Variants in BCAS3 observed in about 807,000 individuals in gnomAD.
BCAS3 encodes the protein BCAS4/BCAS3 fusion.
BCAS3 carries 53 observed loss-of-function variants against 116.1 expected under a neutral mutation model. That is an observed-to-expected ratio of 0.46 (90% CI 0.37 to 0.57). The LOEUF is 0.57. Ranked by LOEUF, BCAS3 falls within the 20% of genes least tolerant of loss-of-function variation. The pLI is 0.00. For missense variants in BCAS3, 917 were observed against 1,165.4 expected, an observed-to-expected ratio of 0.79 and a Z score of 3.10; for synonymous variants, 391 against 408.2, an observed-to-expected ratio of 0.96 and a Z score of 0.51.
At chr17:61,154,199 A>AGG (rs945715459) in intron 22 of BCAS3, among the ~76,000 whole-genome samples, 2 of 152,110 alleles carry the variant, frequency 1.3e-5, no homozygotes, top group African/African-American at 4.8e-5. Flanking sequence ...GAAGGAAGGA[A>AGG]GGGAGGGAAG....
At position 61,140,172 on chromosome 17, in the gene BCAS3, G is replaced by A. The variant is rs1425361324; in HGVS notation, c.2425+55608G>A. Among the ~76,000 whole-genome samples, 1 of 152,176 alleles carries A rather than the reference G, an allele frequency of 6.6e-6. No individual in the cohort carries two copies. The highest frequency in any genetic ancestry group is 2.4e-5 in the African/African-American group (1 of 41,456). On this transcript the variant is annotated intron_variant, in intron 22 of 23. Coordinates refer to ENST00000407086, the MANE Select transcript of BCAS3 (RefSeq NM_017679.5). This position sits in a 1 kb window ranked among gnomAD's most constrained non-coding sequence, Gnocchi z 4.2. ...GAATCACTGGAACCCAGAAGGCGGAGGTTGCAGTGAGTCAGGATCACACCA... is the reference window on the plus strand; with the variant it reads ...GAATCACTGGAACCCAGAAGGCGGAAGTTGCAGTGAGTCAGGATCACACCA...
intron 6 of BCAS3, 88 bp from the exon 7 acceptor site, chr17:60,807,915 CT>C: frequency 1.1e-6 from 1 of 889,234 alleles, no homozygotes; most frequent in Non-Finnish European, 1.7e-6. Context: ...AATACTTCTC[CT>C]TTTCAAGTAT....
In BCAS3 at chr17:60,726,420, G is replaced by A. The variant is rs1196872437; in HGVS notation, c.321+17095G>A. ...TCTCCATGTTGGTCAGGCTGGTCTC[G>A]AACTCCTGACCTCAGGTGATCTGCC... On this transcript the variant is annotated intron_variant, in intron 5 of 23. Transcript: ENST00000407086. Among the ~76,000 whole-genome samples the A allele has an allele frequency of 2.0e-5, 3 of 150,064 alleles. 1 individual carries two copies. The highest frequency in any genetic ancestry group is 4.2e-4 in the South Asian group (2 of 4,770).
chr17:61,268,703 A>T (rs2144618365), intron 22 of BCAS3, among the ~76,000 whole-genome samples: 1 of 152,100 alleles, frequency 6.6e-6, no homozygotes, highest in South Asian at 2.1e-4. Context: ...GATTACAGGC[A>T]TGCACCACCA....
At chr17:60,954,240 G>A (rs1186132962) in intron 14 of BCAS3, among the ~76,000 whole-genome samples, 3 of 152,074 alleles carry the variant, frequency 2.0e-5, no homozygotes, top group Non-Finnish European at 4.4e-5. Context: ...TTTTGTATTA[G>A]TACCATACTG....
At position 61,261,240 on chromosome 17, in the gene BCAS3, A is replaced by G. The variant is rs192557637; in HGVS notation, c.2426-107087A>G. Among the ~76,000 whole-genome samples the G allele has an allele frequency of 7.7e-4, 118 of 152,330 alleles. No individual in the cohort carries two copies. The highest frequency in any genetic ancestry group is 1.5e-3 in the South Asian group (7 of 4,822). On this transcript the variant is annotated intron_variant, in intron 22 of 23. Coordinates refer to ENST00000407086, the MANE Select transcript of BCAS3 (RefSeq NM_017679.5). The surrounding 1 kb of genome is among the most constrained non-coding windows in gnomAD (Gnocchi z 4.4). ...AGGGAAAGAAGGTTTGATGGCAGTT[A>G]TTAAACACTGATTCAAGAATATGTT...
At chr17:60,886,379 C>G (rs952418950) in intron 9 of BCAS3, 5 of 150,570 alleles carry the variant, frequency 3.3e-5, no homozygotes, top group African/African-American at 4.9e-5. Context: ...ACTTCTTTGC[C>G]TTTGGTTTGA....
chr17:60,817,374 G>A (rs1598918111), intron 7 of BCAS3, among the ~76,000 whole-genome samples: 1 of 152,274 alleles, frequency 6.6e-6, no homozygotes, highest in East Asian at 1.9e-4. Flanking sequence ...AGCTATTTAT[G>A]GTTAGGATCT....
At chr17:61,206,458 A>C (rs2081129854) in intron 22 of BCAS3, among the ~76,000 whole-genome samples, 1 of 152,158 alleles carries the variant, frequency 6.6e-6, no homozygotes, top group Admixed American at 6.5e-5. Context: ...TCCTTTGGGT[A>C]CTATGAGTGA....
rs2055868357 is a variant in BCAS3, at chr17:61,327,860, T to C, written c.2426-40467T>C. On this transcript the variant is annotated intron_variant, in intron 22 of 23. Transcript: ENST00000407086. The surrounding 1 kb of genome is among the most constrained non-coding windows in gnomAD (Gnocchi z 5.9). Reference sequence around the variant, plus strand: ...GTGACATCCAGTTCAAGGAACTTAGTGGTAGGTGTGACTTTAAGGTTTGCA... The same window carrying C: ...GTGACATCCAGTTCAAGGAACTTAGCGGTAGGTGTGACTTTAAGGTTTGCA... Among the ~76,000 whole-genome samples, 1 of 152,154 alleles carries C rather than the reference T, an allele frequency of 6.6e-6. No individual in the cohort carries two copies. Among genetic ancestry groups the C allele is most frequent in the Non-Finnish European group, 1.5e-5 (1 of 68,028 alleles).
In BCAS3 at chr17:61,302,170, C is replaced by T. The variant is rs547577417; in HGVS notation, c.2426-66157C>T. On this transcript the variant is annotated intron_variant, in intron 22 of 23. Transcript: ENST00000407086. The surrounding 1 kb of genome is among the most constrained non-coding windows in gnomAD (Gnocchi z 4.4). ...ATGCCAGGAGAAAGAGCCAAAAACT[C>T]CCCCCTCCCCCGACTCCCAGGGTTC... is the stretch of plus-strand genomic sequence containing the variant. 2.6e-5 allele frequency among the ~76,000 whole-genome samples: 4 copies of T among 152,222 alleles called. No individual in the cohort carries two copies. Among genetic ancestry groups the T allele is most frequent in the African/African-American group, 9.6e-5 (4 of 41,542 alleles).
At chr17:60,734,336 C>G (rs1052785718) in intron 5 of BCAS3, among the ~76,000 whole-genome samples, 1 of 152,134 alleles carries the variant, frequency 6.6e-6, no homozygotes, top group African/African-American at 2.4e-5. Flanking sequence ...TGCTGTGTTG[C>G]CCAGGCTGGT....
chr17:60,905,666 T>A (rs1040046847), intron 11 of BCAS3, among the ~76,000 whole-genome samples: 7 of 152,158 alleles, frequency 4.6e-5, no homozygotes, highest in African/African-American at 7.2e-5. Flanking sequence ...TGTTGTCTCA[T>A]GCCAAGGAAA....
chr17:60,801,771 G>T (rs1001426419), intron 6 of BCAS3, among the ~76,000 whole-genome samples: 1 of 152,058 alleles, frequency 6.6e-6, no homozygotes, highest in African/African-American at 2.4e-5. Flanking sequence ...CATGTACTGT[G>T]CTAGAACCTG....
chr17:60,942,207 C>T (rs2060259118), intron 13 of BCAS3, among the ~76,000 whole-genome samples: 1 of 152,180 alleles, frequency 6.6e-6, no homozygotes, highest in South Asian at 2.1e-4. Context: ...GGGCAGATTG[C>T]CTGAGCTCGG....
chr17:61,114,931 C>T (rs1601356171), intron 22 of BCAS3, among the ~76,000 whole-genome samples: 4 of 151,904 alleles, frequency 2.6e-5, no homozygotes, highest in Admixed American at 6.6e-5. Context: ...TCAGAAATAA[C>T]GCCTCATATC....
rs552797251 is a variant in BCAS3, at chr17:61,390,893, G to A, written c.2594-1084G>A. ...GGCCAGACTCCTTCAGTCACAGGCA[G>A]GCATCCCTTGGAGAAGGAAAGGTTG... On this transcript the variant is annotated intron_variant, in intron 23 of 23. Coordinates refer to ENST00000407086, the MANE Select transcript of BCAS3 (RefSeq NM_017679.5). The surrounding 1 kb of genome is among the most constrained non-coding windows in gnomAD (Gnocchi z 6.8). The A allele has an allele frequency of 6.6e-6, 1 of 152,426 alleles. No individual in the cohort carries two copies. The highest frequency in any genetic ancestry group is 2.1e-4 in the South Asian group (1 of 4,824). The allele number at this position is 152,426 out of a possible 1,614,324, so 9.4% of individuals were successfully genotyped here. A position where few individuals can be genotyped will look rare whatever the true frequency, so the allele number is the denominator to read the frequency against.
In BCAS3 at chr17:61,229,774, A is replaced by G. The variant is rs896205635; in HGVS notation, c.2426-138553A>G. ...CCCCGTCTCTAGATATGGAGCCACA[A>G]CCTTGCCTGCTACCAGCTGAAAATT... is the stretch of plus-strand genomic sequence containing the variant. On this transcript the variant is annotated intron_variant, in intron 22 of 23. Transcript: ENST00000407086. The surrounding 1 kb of genome is among the most constrained non-coding windows in gnomAD (Gnocchi z 4.4). Among the ~76,000 whole-genome samples the G allele has an allele frequency of 5.3e-5, 8 of 152,144 alleles. No individual in the cohort carries two copies. Among genetic ancestry groups the G allele is most frequent in the African/African-American group, 1.7e-4 (7 of 41,434 alleles).
At chr17:61,293,496 G>C (rs139797991) in intron 22 of BCAS3, among the ~76,000 whole-genome samples, 1 of 152,138 alleles carries the variant, frequency 6.6e-6, no homozygotes, top group Admixed American at 6.5e-5. Flanking sequence ...TTCTTGGCTC[G>C]TTTTTAAGAC....
Sources: allele counts gnomAD v4.1 joint callset (sites outside exome capture counted in the v4.1 genomes callset), GRCh38; gene constraint gnomAD v4.1.1; non-coding constraint Gnocchi (gnomAD v3.1); transcripts MANE v1.5; gene names NCBI Gene and HGNC (gene_info 2026-07-23, HGNC 2026-07-21).